OSBPL1A: variants seen among roughly 807,000 people sequenced by gnomAD.
OSBPL1A encodes the protein oxysterol-binding protein-related protein 1.
In OSBPL1A, 80 loss-of-function variants were observed where a neutral mutation model predicts 137.1. The observed-to-expected ratio is 0.58, with a 90% CI of 0.49 to 0.70. The LOEUF (loss-of-function observed/expected upper bound fraction) is 0.70, where lower values mean the gene tolerates loss of function less well. Among genes scored for constraint, OSBPL1A ranks in the 30% least tolerant of loss-of-function variants. OSBPL1A has a pLI of 0.00. For synonymous variants in OSBPL1A, 365 were observed against 389.7 expected (o/e 0.94, Z 0.75); for missense variants, 970 against 1,129.4 (o/e 0.86, Z 2.02).
At chr18:24,351,359 A>AAAAAAAAAAAAAAAAAAAC in intron 4 of OSBPL1A, among the ~76,000 whole-genome samples, 1 of 150,382 alleles carries the variant, frequency 6.6e-6, no homozygotes, top group Non-Finnish European at 1.5e-5. Flanking sequence ...AAAAAAAAAA[A>AAAAAAAAAAAAAAAAAAAC]AAAAAAAAAA....
At chr18:24,342,996 G>A (rs541286255) in intron 4 of OSBPL1A, among the ~76,000 whole-genome samples, 44 of 151,582 alleles carry the variant, frequency 2.9e-4, no homozygotes, top group African/African-American at 9.7e-4. Context: ...ACATTTTGGG[G>A]CTCATGTTTT....
At chr18:24,380,694 G>A (rs930101170) in intron 1 of OSBPL1A, among the ~76,000 whole-genome samples, 2 of 152,232 alleles carry the variant, frequency 1.3e-5, no homozygotes, top group Admixed American at 6.5e-5. Flanking sequence ...GCTCACGCCT[G>A]TAATCCCAAC....
At chr18:24,202,919 G>C (rs1711566780) in intron 17 of OSBPL1A, among the ~76,000 whole-genome samples, 1 of 152,198 alleles carries the variant, frequency 6.6e-6, no homozygotes, top group East Asian at 1.9e-4. Flanking sequence ...ATGCCAAATG[G>C]TAGTAAATAC....
At chr18:24,219,147 G>C (rs1262043460) in intron 17 of OSBPL1A, among the ~76,000 whole-genome samples, 1 of 151,888 alleles carries the variant, frequency 6.6e-6, no homozygotes, top group East Asian at 1.9e-4. Context: ...AAATTAATTA[G>C]CTAGGCATGC....
chr18:24,244,595 G>T, intron 15 of OSBPL1A, among the ~76,000 whole-genome samples: 1 of 152,204 alleles, frequency 6.6e-6, no homozygotes, highest in East Asian at 1.9e-4. Context: ...GCATTGATCT[G>T]TGTCTGTAGC....
rs146206901 is a variant in OSBPL1A, at chr18:24,324,762, C to T, written c.626-5953G>A. ...TCACACCACTGCACTCCATCCTGGG[C>T]GACAGAGCGAGACTCTGTCTATTAA... is the stretch of plus-strand genomic sequence containing the variant. On this transcript the variant is annotated intron_variant, in intron 7 of 27. Transcript: ENST00000319481. Among the ~76,000 whole-genome samples, 215 of 129,194 alleles carry T rather than the reference C, an allele frequency of 1.7e-3. 3 individuals are homozygous for T. The East Asian group carries it at 0.039, about 24-fold the overall frequency. 84.8% of individuals were successfully genotyped at this position (129,194 alleles called of 152,430 possible). A position where few individuals can be genotyped will look rare whatever the true frequency, so the allele number is the denominator to read the frequency against.
chr18:24,291,709 C>T (rs2090175728), intron 14 of OSBPL1A, among the ~76,000 whole-genome samples: 1 of 151,012 alleles, frequency 6.6e-6, no homozygotes, highest in Admixed American at 6.6e-5. Context: ...AATAAAACTG[C>T]AGAATACCAA....
At chr18:24,250,186 G>GT (rs200198027) in intron 15 of OSBPL1A, among the ~76,000 whole-genome samples, 2 of 78,068 alleles carry the variant, frequency 2.6e-5, no homozygotes, top group African/African-American at 9.3e-5. Flanking sequence ...TTGTTTGTTT[G>GT]TTTTTTTTGA....
At chr18:24,305,971 T>C (rs939048269) in intron 13 of OSBPL1A, among the ~76,000 whole-genome samples, 9 of 152,236 alleles carry the variant, frequency 5.9e-5, no homozygotes, top group Non-Finnish European at 1.3e-4. Context: ...CTCTTTCCTT[T>C]ATAAATTACC....
At position 24,342,009 on chromosome 18, in the gene OSBPL1A, C is replaced by T. The variant is rs564217975; in HGVS notation, c.283-351G>A. Among the ~76,000 whole-genome samples the T allele has an allele frequency of 2.4e-4, 36 of 152,304 alleles. No homozygotes were observed. The South Asian group carries it at 4.6e-3, about 19-fold the overall frequency. ...GGAAGTACATTCACTGAAGATCATT[C>T]CTCTAAGGCCTGTTGAGAAATATAA... On this transcript the variant is annotated intron_variant, in intron 4 of 27. Transcript: ENST00000319481.
intron 17 of OSBPL1A, among the ~76,000 whole-genome samples, chr18:24,203,545 A>T (rs1170495103): frequency 6.6e-6 from 1 of 152,194 alleles, no homozygotes; most frequent in African/African-American, 2.4e-5. Context: ...CTTTAGGCAC[A>T]TGTACACGTA....
intron 16 of OSBPL1A, among the ~76,000 whole-genome samples, chr18:24,228,376 C>T (rs906611719): frequency 3.9e-5 from 6 of 151,986 alleles, no homozygotes; most frequent in Non-Finnish European, 8.8e-5. Flanking sequence ...CCCACCCTTC[C>T]CCTAAAGGGC....
At chr18:24,172,040 A>C (rs974979327) in intron 22 of OSBPL1A, among the ~76,000 whole-genome samples, 7 of 151,212 alleles carry the variant, frequency 4.6e-5, no homozygotes, top group African/African-American at 1.7e-4. Context: ...TCCTGGGTTC[A>C]AGCAATTCTC....
chr18:24,178,130 T>C lies in OSBPL1A; in HGVS notation c.1976A>G (p.His659Arg). The change falls in exon 21 of 28, where the codon CAT becomes CGT. Residue 659 changes from histidine to arginine, a missense_variant. Transcript: ENST00000319481. ...VSHHPPISAF[H>R]AEGLNNDFIF... Reference sequence around the variant, plus strand: ...GAAGTCATTGTTTAATCCTTCAGCATGAAATGCACTGATTGGTGGGTGATG... The same window carrying C: ...GAAGTCATTGTTTAATCCTTCAGCACGAAATGCACTGATTGGTGGGTGATG... The C allele has an allele frequency of 1.2e-6, 2 of 1,611,980 alleles. No individual in the cohort carries two copies. Among genetic ancestry groups the C allele is most frequent in the Non-Finnish European group, 8.5e-7 (1 of 1,179,586 alleles).
chr18:24,377,295 T>C, intron 2 of OSBPL1A, 118 bp downstream of exon 2: 3 of 1,268,480 alleles, frequency 2.4e-6, no homozygotes, highest in Non-Finnish European at 3.2e-6. Context: ...TGTGGGGTTC[T>C]TCCTAGCATG....
chr18:24,288,402 A>T (rs978810564), intron 14 of OSBPL1A, among the ~76,000 whole-genome samples: 2 of 152,226 alleles, frequency 1.3e-5, no homozygotes, highest in African/African-American at 4.8e-5. Flanking sequence ...GGCTGTGACC[A>T]TTCCAATTGG....
At chr18:24,285,936 C>A (rs1229387329) in intron 14 of OSBPL1A, among the ~76,000 whole-genome samples, 2 of 152,154 alleles carry the variant, frequency 1.3e-5, no homozygotes, top group African/African-American at 4.8e-5. Flanking sequence ...GCGTGCAGAT[C>A]ACCTGAGGTC....
chr18:24,201,443 T>A (rs2087217165), intron 17 of OSBPL1A, among the ~76,000 whole-genome samples: 1 of 152,182 alleles, frequency 6.6e-6, no homozygotes, highest in African/African-American at 2.4e-5. Flanking sequence ...CCAAAATCTT[T>A]AAACGTTATT....
At chr18:24,376,409 A>G (rs180940274) in intron 2 of OSBPL1A, among the ~76,000 whole-genome samples, 95 of 152,314 alleles carry the variant, frequency 6.2e-4, no homozygotes, top group African/African-American at 2.2e-3. Flanking sequence ...TGGTGTGTTT[A>G]TAAACCTTGA....
Sources: allele counts gnomAD v4.1 joint callset (sites outside exome capture counted in the v4.1 genomes callset), GRCh38; gene constraint gnomAD v4.1.1; transcripts MANE v1.5; gene names NCBI Gene and HGNC (gene_info 2026-07-23, HGNC 2026-07-21).